The following SPIDR variants were observed in gnomAD, a reference collection of about 807,000 sequenced individuals.
SPIDR encodes the protein DNA repair-scaffolding protein.
SPIDR carries 93 observed loss-of-function variants against 104.6 expected under a neutral mutation model. That is an observed-to-expected ratio of 0.89 (90% CI 0.75 to 1.06). The LOEUF is 1.06. Ranked by LOEUF, SPIDR falls within the 50% of genes least tolerant of loss-of-function variation. The pLI is 0.00. For synonymous variants in SPIDR, 431 were observed against 416.9 expected (o/e 1.03, Z -0.41); for missense variants, 1,154 against 1,111.2 (o/e 1.04, Z -0.55).
In SPIDR at chr8:47,386,877, G is replaced by GGA. The variant is rs1241295166; in HGVS notation, c.526-9486_526-9485dup. Among the ~76,000 whole-genome samples, 6 of 100,270 alleles carry GGA rather than the reference G, an allele frequency of 6.0e-5. No individual in the cohort carries two copies. In the South Asian group the frequency reaches 9.2e-4, roughly 15 times the overall value. The allele number at this position is 100,270 out of a possible 152,430, so 65.8% of individuals were successfully genotyped here. On this transcript the variant is annotated intron_variant, in intron 5 of 19. Coordinates refer to ENST00000297423, the MANE Select transcript of SPIDR (RefSeq NM_001080394.4). ...ATAAGGAGGAAGTGGGGGGACGAGG[G>GGA]GAGAGAGAGAGAGAAAGAGAGAGAG... is the stretch of plus-strand genomic sequence containing the variant.
chr8:47,649,828 A>G (rs2071277487), intron 10 of SPIDR, among the ~76,000 whole-genome samples: 1 of 152,220 alleles, frequency 6.6e-6, no homozygotes, highest in Non-Finnish European at 1.5e-5. Flanking sequence ...AATATGATAC[A>G]TCACATTAAC....
At chr8:47,594,036 A>G (rs951521874) in intron 8 of SPIDR, among the ~76,000 whole-genome samples, 3 of 150,946 alleles carry the variant, frequency 2.0e-5, no homozygotes, top group Admixed American at 2.0e-4. Flanking sequence ...CATTGTCACA[A>G]TGAGGGGAGT....
chr8:47,566,383 G>A (rs1378103072), intron 8 of SPIDR, among the ~76,000 whole-genome samples: 1 of 151,962 alleles, frequency 6.6e-6, no homozygotes, highest in African/African-American at 2.4e-5. Flanking sequence ...TTCAGTCACA[G>A]GTACAGATCT....
chr8:47,278,096 C>CTT (rs71225674), intron 1 of SPIDR, among the ~76,000 whole-genome samples: 13,233 of 137,192 alleles, frequency 0.096, 803 homozygotes, highest in Admixed American at 0.2. Context: ...TTTTCTTTCT[C>CTT]TTTTTTTTTT....
In SPIDR at chr8:47,701,952, C is replaced by G; in HGVS notation, c.1918-4C>G. ...GCTGCCAACCTTTTCTAATTCCTTT[C>G]CAGATGAATGATCTTGGTACCCGTT... On this transcript the variant is annotated splice_polypyrimidine_tract_variant and splice_region_variant and intron_variant, in intron 13 of 19. Transcript: ENST00000297423. The G allele has an allele frequency of 1.2e-6, 2 of 1,614,054 alleles. No individual in the cohort carries two copies. The highest frequency in any genetic ancestry group is 1.7e-6 in the Non-Finnish European group (2 of 1,180,018).
chr8:47,590,839 A>T (rs1041796744), intron 8 of SPIDR, among the ~76,000 whole-genome samples: 3 of 152,158 alleles, frequency 2.0e-5, no homozygotes, highest in African/African-American at 7.2e-5. Context: ...TTTGTTGCAG[A>T]TACATTTAGG....
At chr8:47,380,476 G>A (rs1258706472) in intron 5 of SPIDR, among the ~76,000 whole-genome samples, 5 of 152,140 alleles carry the variant, frequency 3.3e-5, no homozygotes, top group Admixed American at 2.0e-4. Context: ...GGTCACTGCC[G>A]CCTTCTCCAC....
chr8:47,627,026 G>A (rs1335027522), intron 10 of SPIDR, among the ~76,000 whole-genome samples: 1 of 152,140 alleles, frequency 6.6e-6, no homozygotes, highest in African/African-American at 2.4e-5. Context: ...AAGCAAATGT[G>A]GCACATATAC....
intron 5 of SPIDR, among the ~76,000 whole-genome samples, chr8:47,355,945 A>G (rs142512254): frequency 5.9e-5 from 9 of 152,250 alleles, no homozygotes; most frequent in Non-Finnish European, 2.9e-5. Flanking sequence ...ATCACATCAC[A>G]ATAGTGCCAA....
At chr8:47,735,111 G>GGTGTGTGTGTGTGT (rs202076247) in intron 19 of SPIDR, among the ~76,000 whole-genome samples, 196 bp from the exon 20 acceptor site, 18 of 135,178 alleles carry the variant, frequency 1.3e-4, no homozygotes, top group Admixed American at 2.1e-4. Context: ...TGTGTGTGTG[G>GGTGTGTGTGTGTGT]GTGTGTGTGT....
intron 7 of SPIDR, among the ~76,000 whole-genome samples, chr8:47,422,733 G>T (rs915612437): frequency 1.3e-5 from 2 of 152,128 alleles, no homozygotes; most frequent in Admixed American, 6.5e-5. Context: ...AGCTGTTCCT[G>T]TTGGGCCATC....
chr8:47,491,345 T>C (rs782293894), intron 8 of SPIDR, among the ~76,000 whole-genome samples: 2 of 152,082 alleles, frequency 1.3e-5, no homozygotes, highest in Non-Finnish European at 2.9e-5. Context: ...TAAATAAAAT[T>C]CTGTTTATTT....
chr8:47,567,400 G>A (rs1274052878), intron 8 of SPIDR, among the ~76,000 whole-genome samples: 2 of 151,612 alleles, frequency 1.3e-5, no homozygotes, highest in Non-Finnish European at 2.9e-5. Flanking sequence ...TGTATTTTTA[G>A]TAGAGACGGG....
At chr8:47,605,961 A>G (rs943156552) in intron 10 of SPIDR, among the ~76,000 whole-genome samples, 2 of 152,150 alleles carry the variant, frequency 1.3e-5, no homozygotes, top group East Asian at 1.9e-4. Flanking sequence ...CTTGAAGGTG[A>G]TTTTTATTTC....
intron 5 of SPIDR, among the ~76,000 whole-genome samples, chr8:47,355,802 T>C (rs1417875835): frequency 1.3e-5 from 2 of 152,244 alleles, no homozygotes; most frequent in African/African-American, 2.4e-5. Context: ...TAAATATTTT[T>C]TAAATGTAGA....
At chr8:47,698,699 C>T (rs963134822) in intron 11 of SPIDR, among the ~76,000 whole-genome samples, 11 of 152,170 alleles carry the variant, frequency 7.2e-5, no homozygotes, top group Non-Finnish European at 1.3e-4. Context: ...TCCAAGGGAA[C>T]GCTAGTTTCT....
At chr8:47,662,287 A>AT (rs1474781309) in intron 10 of SPIDR, among the ~76,000 whole-genome samples, 2 of 152,238 alleles carry the variant, frequency 1.3e-5, no homozygotes, top group Non-Finnish European at 2.9e-5. Flanking sequence ...CCCATGCCTC[A>AT]TCCTGAGGCA....
chr8:47,316,848 G>A (rs1194465467), intron 5 of SPIDR, among the ~76,000 whole-genome samples: 1 of 152,122 alleles, frequency 6.6e-6, no homozygotes, highest in Non-Finnish European at 1.5e-5. Flanking sequence ...ACTGAAAAAA[G>A]TAAATACATA....
chr8:47,602,864 A>G (rs1167434555), intron 10 of SPIDR, among the ~76,000 whole-genome samples: 1 of 152,268 alleles, frequency 6.6e-6, no homozygotes. Flanking sequence ...CATTTCAGAA[A>G]TATAGTATGT....
Sources: gnomAD v4.1 joint callset for allele counts (sites outside exome capture counted in the v4.1 genomes callset) on GRCh38, gnomAD v4.1.1 for gene constraint, MANE v1.5 for transcripts, NCBI Gene and HGNC (gene_info 2026-07-23, HGNC 2026-07-21) for gene names.